The following DCLK2 variants were observed in gnomAD, a reference collection of about 807,000 sequenced individuals.
DCLK2 encodes serine/threonine-protein kinase DCLK2.
Under a neutral mutation model 78.4 loss-of-function variants are expected in DCLK2, and 31 were observed. The observed-to-expected ratio is 0.40, with a 90% CI of 0.30 to 0.53. The LOEUF (loss-of-function observed/expected upper bound fraction) is 0.53. DCLK2 is among the 20% of genes least tolerant of loss of function. The pLI is 0.61. For missense variants in DCLK2, 872 were observed against 973.7 expected, an observed-to-expected ratio of 0.90 and a Z score of 1.39; for synonymous variants, 407 against 374.9, an observed-to-expected ratio of 1.09 and a Z score of -0.99.
intron 1 of DCLK2, among the ~76,000 whole-genome samples, chr4:150,081,535 T>G (rs1560753844): frequency 6.6e-6 from 1 of 152,192 alleles, no homozygotes; most frequent in Non-Finnish European, 1.5e-5. Flanking sequence ...TTTATGACTT[T>G]GCCCACTTCT....
intron 2 of DCLK2, among the ~76,000 whole-genome samples, chr4:150,190,268 T>C (rs990991166): frequency 4.6e-5 from 5 of 109,186 alleles, no homozygotes; most frequent in African/African-American, 8.8e-5. Flanking sequence ...GATAGATAGA[T>C]AGATAGATAG....
At chr4:150,096,851 G>A (rs1730503007) in intron 1 of DCLK2, among the ~76,000 whole-genome samples, 1 of 152,206 alleles carries the variant, frequency 6.6e-6, no homozygotes. Context: ...AAAAACAGAT[G>A]AGGACTGGCA....
intron 5 of DCLK2, 111 bp downstream of exon 5, chr4:150,204,000 T>A: frequency 6.6e-6 from 7 of 1,061,160 alleles, no homozygotes; most frequent in Non-Finnish European, 9.5e-6. Flanking sequence ...TAAAAAGATT[T>A]TAGGATTTTG....
rs1233635771 is a variant in DCLK2, at chr4:150,175,061, TA to T, written c.757-18076del. 8.6e-3 allele frequency among the ~76,000 whole-genome samples: 112 copies of T among 12,996 alleles called. 28 individuals carry two copies. Among genetic ancestry groups the T allele is most frequent in the African/African-American group, 0.017 (86 of 5,160 alleles). The allele number at this position is 12,996 out of a possible 152,430, so 8.5% of individuals were successfully genotyped here. A position where few individuals can be genotyped will look rare whatever the true frequency, so the allele number is the denominator to read the frequency against. On this transcript the variant is annotated intron_variant, in intron 2 of 15. Transcript: ENST00000296550. ...ATATATATTTATATATTTATATATA[TA>T]TTTATATATATTTATATATTTATAT...
chr4:150,214,466 A>C (rs949949962), intron 5 of DCLK2, among the ~76,000 whole-genome samples: 5 of 152,194 alleles, frequency 3.3e-5, no homozygotes, highest in African/African-American at 1.2e-4. Flanking sequence ...TTTCCTAAGA[A>C]AGTTCTTGCT....
chr4:150,085,363 G>A (rs529122278), intron 1 of DCLK2, among the ~76,000 whole-genome samples: 3 of 152,028 alleles, frequency 2.0e-5, no homozygotes, highest in Non-Finnish European at 4.4e-5. Flanking sequence ...TCCAAGGCAC[G>A]GCACTGGCAT....
intron 5 of DCLK2, among the ~76,000 whole-genome samples, chr4:150,219,318 GAGCAC>G (rs1240496147): frequency 2.8e-5 from 4 of 142,460 alleles, no homozygotes; most frequent in Non-Finnish European, 4.5e-5. Flanking sequence ...GCCTATGCTG[GAGCAC>G]AGTGGTACGA....
Position 150,256,007 on chromosome 4 carries a change from G to A in DCLK2, c.2074-13G>A. On this transcript the variant is annotated splice_polypyrimidine_tract_variant and intron_variant, in intron 15 of 15. Transcript: ENST00000296550. Reference sequence around the variant, plus strand: ...GCCCGGGTAATGTGTTGTCTCTGCTGTTTCCTCCTCAGAACACGGCTCTAG... The same window carrying A: ...GCCCGGGTAATGTGTTGTCTCTGCTATTTCCTCCTCAGAACACGGCTCTAG... 1 of 1,612,014 alleles carries A rather than the reference G, an allele frequency of 6.2e-7. No homozygotes were observed. Among genetic ancestry groups the A allele is most frequent in the Non-Finnish European group, 8.5e-7 (1 of 1,179,284 alleles).
At chr4:150,247,560 C>A in intron 12 of DCLK2, 43 bp from the exon 13 acceptor site, 1 of 1,576,186 alleles carries the variant, frequency 6.3e-7, no homozygotes, top group Non-Finnish European at 8.7e-7. Flanking sequence ...AAAAATTCTA[C>A]GGTGACTTTG....
At chr4:150,229,044 A>G (rs1489498200) in intron 8 of DCLK2, among the ~76,000 whole-genome samples, 1 of 145,188 alleles carries the variant, frequency 6.9e-6, no homozygotes, top group Non-Finnish European at 1.5e-5. Flanking sequence ...AAAAAAAAAC[A>G]AAAAAAAAAA....
At chr4:150,152,709 G>T (rs1347077572) in intron 2 of DCLK2, among the ~76,000 whole-genome samples, 2 of 152,202 alleles carry the variant, frequency 1.3e-5, no homozygotes, top group Admixed American at 6.5e-5. Flanking sequence ...TTGGAAGTGA[G>T]TTTAGTTAAT....
At chr4:150,234,564 G>A (rs1276626360) in intron 10 of DCLK2, among the ~76,000 whole-genome samples, 3 of 152,142 alleles carry the variant, frequency 2.0e-5, no homozygotes, top group African/African-American at 7.2e-5. Flanking sequence ...AGCCATCCTG[G>A]GGACTTTTTA....
At chr4:150,090,310 G>A (rs904865472) in intron 1 of DCLK2, among the ~76,000 whole-genome samples, 15 of 152,204 alleles carry the variant, frequency 9.9e-5, no homozygotes, top group Non-Finnish European at 2.1e-4. Flanking sequence ...GGAGGCTGAG[G>A]CAGGAGAATC....
chr4:150,189,177 A>C (rs1431919709), intron 2 of DCLK2, among the ~76,000 whole-genome samples: 1 of 152,164 alleles, frequency 6.6e-6, no homozygotes, highest in Non-Finnish European at 1.5e-5. Context: ...ATTAATTGCA[A>C]AAAATGCAAT....
At chr4:150,147,395 C>G (rs1056046510) in intron 2 of DCLK2, among the ~76,000 whole-genome samples, 2 of 152,148 alleles carry the variant, frequency 1.3e-5, no homozygotes, top group African/African-American at 4.8e-5. Flanking sequence ...GTATGGGGGC[C>G]TGGAGTTTAG....
rs1729045071 is a variant in DCLK2, at chr4:150,079,163, C to A, written c.136C>A (p.Pro46Thr). Residue 46 changes from proline (P) to threonine (T), a missense_variant, in exon 1 of 16, where the codon CCC becomes ACC. Physicochemically the swap from Pro to Thr is conservative, Grantham distance 38. This residue lies in a region of DCLK2 where 567 missense variants were observed against 593.4 expected (regional missense o/e 0.96). Coordinates refer to ENST00000296550, the MANE Select transcript of DCLK2 (RefSeq NM_001040260.4). The stretch of plus-strand genomic sequence containing the variant: ...GGGCCCCAAGGGGAACGGGCTCATC[C>A]CCAGTCCGGCGCACAGTGCCCACTG... ...SSGPKGNGLI[P>T]SPAHSAHCSF... 6.2e-7 allele frequency: 1 copy of A among 1,606,928 alleles called. No individual in the cohort carries two copies. Among genetic ancestry groups the A allele is most frequent in the Admixed American group, 1.7e-5 (1 of 59,584 alleles).
intron 2 of DCLK2, among the ~76,000 whole-genome samples, chr4:150,130,029 T>C (rs773690024): frequency 3.3e-5 from 5 of 152,162 alleles, no homozygotes; most frequent in Admixed American, 6.5e-5. Context: ...AATTTAGCAC[T>C]GATACTGTAT....
In DCLK2 at chr4:150,084,030, G is replaced by A. The variant is rs566118659; in HGVS notation, c.421+4582G>A. Among the ~76,000 whole-genome samples the A allele has an allele frequency of 2.0e-5, 3 of 152,360 alleles. No individual in the cohort carries two copies. In the East Asian group the frequency reaches 5.8e-4, roughly 29 times the overall value. On this transcript the variant is annotated intron_variant, in intron 1 of 15. Transcript: ENST00000296550. ...AATGAAGTGGTGATGACATGGGGCA[G>A]GATGGCCATATTGGCCGGGGTGATG...
At chr4:150,188,635 C>T (rs1738137535) in intron 2 of DCLK2, among the ~76,000 whole-genome samples, 2 of 152,118 alleles carry the variant, frequency 1.3e-5, no homozygotes, top group South Asian at 4.1e-4. Flanking sequence ...GGCATGGTGG[C>T]TCACGCCTGT....
Sources: gnomAD v4.1 joint callset for allele counts (sites outside exome capture counted in the v4.1 genomes callset) on GRCh38, gnomAD v4.1.1 for gene constraint, gnomAD v4.1.1 regional missense constraint, MANE v1.5 for transcripts, NCBI Gene and HGNC (gene_info 2026-07-23, HGNC 2026-07-21) for gene names.